ATRNL1: variants seen among roughly 807,000 people sequenced by gnomAD.
ATRNL1 encodes attractin like 1.
Under a neutral mutation model 182.7 loss-of-function variants are expected in ATRNL1, and 95 were observed. That is an observed-to-expected ratio of 0.52 (90% CI 0.44 to 0.62). The LOEUF is 0.62. Among genes scored for constraint, ATRNL1 ranks in the 20% least tolerant of loss-of-function variants. The pLI is 0.00. For synonymous variants in ATRNL1, 576 were observed against 568.3 expected (o/e 1.01, Z -0.19); for missense variants, 1,471 against 1,679.5 (o/e 0.88, Z 2.17).
intron 8 of ATRNL1, among the ~76,000 whole-genome samples, chr10:115,208,529 G>T (rs1411441944): frequency 6.6e-6 from 1 of 152,028 alleles, no homozygotes; most frequent in Non-Finnish European, 1.5e-5. Context: ...CCTTAGTCTT[G>T]TTAGAGTGGA....
intron 27 of ATRNL1, among the ~76,000 whole-genome samples, chr10:115,728,860 A>G (rs1270646634): frequency 1.3e-5 from 2 of 152,184 alleles, no homozygotes; most frequent in Non-Finnish European, 2.9e-5. Flanking sequence ...TGATTAAATG[A>G]AAGTTACAGC....
intron 8 of ATRNL1, among the ~76,000 whole-genome samples, chr10:115,213,632 C>T (rs1278882178): frequency 3.3e-5 from 5 of 151,924 alleles, no homozygotes; most frequent in Non-Finnish European, 5.9e-5. Flanking sequence ...GTGGGGGGAG[C>T]AGGGAAAAAT....
chr10:115,347,664 T>C (rs1222352394), intron 19 of ATRNL1, among the ~76,000 whole-genome samples: 1 of 152,052 alleles, frequency 6.6e-6, no homozygotes, highest in Non-Finnish European at 1.5e-5. Flanking sequence ...TCCAACCTAA[T>C]AAAGCCAATC....
chr10:115,476,417 C>T (rs1848532249), intron 24 of ATRNL1, among the ~76,000 whole-genome samples: 1 of 151,158 alleles, frequency 6.6e-6, no homozygotes, highest in South Asian at 2.1e-4. Flanking sequence ...TTATTTGATT[C>T]TTATTCAATG....
chr10:115,132,213 G>GA (rs1845278404), intron 5 of ATRNL1, among the ~76,000 whole-genome samples: 1 of 152,068 alleles, frequency 6.6e-6, no homozygotes, highest in Non-Finnish European at 1.5e-5. Flanking sequence ...AGTTTGCTGA[G>GA]AATGATGGTT....
chr10:115,685,961 G>C (rs1213447819), intron 26 of ATRNL1, among the ~76,000 whole-genome samples: 1 of 151,484 alleles, frequency 6.6e-6, no homozygotes, highest in African/African-American at 2.4e-5. Context: ...GCCAAATATG[G>C]AATATTATTT....
chr10:115,581,759 T>C (rs1240617927), intron 26 of ATRNL1, among the ~76,000 whole-genome samples: 1 of 151,950 alleles, frequency 6.6e-6, no homozygotes, highest in Non-Finnish European at 1.5e-5. Context: ...TTTTTTTTAT[T>C]ATACTTTAAG....
At chr10:115,270,687 C>G (rs1336127767) in intron 13 of ATRNL1, among the ~76,000 whole-genome samples, 5 of 151,808 alleles carry the variant, frequency 3.3e-5, no homozygotes, top group African/African-American at 1.2e-4. Context: ...TTTGTTCTTT[C>G]AGGCCCTCAA....
intron 27 of ATRNL1, among the ~76,000 whole-genome samples, chr10:115,801,232 AC>A (rs1555084307): frequency 5.9e-5 from 9 of 152,218 alleles, no homozygotes; most frequent in Admixed American, 5.9e-4. Flanking sequence ...GTCTCGTCTG[AC>A]TTTAAATGAT....
At chr10:115,717,411 A>G (rs1565314319) in intron 26 of ATRNL1, among the ~76,000 whole-genome samples, 1 of 152,064 alleles carries the variant, frequency 6.6e-6, no homozygotes, top group Non-Finnish European at 1.5e-5. Flanking sequence ...GATAAACCCA[A>G]TATTATACTT....
intron 24 of ATRNL1, among the ~76,000 whole-genome samples, chr10:115,511,150 C>A (rs1554982592): frequency 1.3e-5 from 2 of 151,904 alleles, no homozygotes; most frequent in South Asian, 4.1e-4. Context: ...TGTCTATTTT[C>A]TGTGTAACCA....
At chr10:115,633,833 AT>A (rs1858682849) in intron 26 of ATRNL1, among the ~76,000 whole-genome samples, 1 of 152,130 alleles carries the variant, frequency 6.6e-6, no homozygotes, top group Non-Finnish European at 1.5e-5. Context: ...GACACCAGTG[AT>A]TTCTTGGAAA....
At chr10:115,314,647 A>C (rs1554928998) in intron 17 of ATRNL1, among the ~76,000 whole-genome samples, 1 of 152,242 alleles carries the variant, frequency 6.6e-6, no homozygotes, top group Non-Finnish European at 1.5e-5. Flanking sequence ...AAAGACTCTC[A>C]GCTTAATGTA....
chr10:115,551,950 G>A (rs1853015974), intron 26 of ATRNL1, among the ~76,000 whole-genome samples: 2 of 151,274 alleles, frequency 1.3e-5, no homozygotes, highest in South Asian at 4.1e-4. Flanking sequence ...TTTTAGGACA[G>A]CATATTATTA....
intron 8 of ATRNL1, among the ~76,000 whole-genome samples, chr10:115,172,726 TCTCA>T (rs1336642948): frequency 5.3e-5 from 8 of 151,918 alleles, no homozygotes; most frequent in African/African-American, 1.9e-4. Flanking sequence ...TTCCACTATC[TCTCA>T]CTCTTTTTTT....
intron 27 of ATRNL1, among the ~76,000 whole-genome samples, chr10:115,754,776 C>T (rs111348754): frequency 9.9e-4 from 151 of 152,192 alleles, no homozygotes; most frequent in African/African-American, 3.3e-3. Context: ...GCCATTTTCA[C>T]GATATTGATT....
At chr10:115,672,581 A>G (rs182585032) in intron 26 of ATRNL1, among the ~76,000 whole-genome samples, 1 of 152,250 alleles carries the variant, frequency 6.6e-6, no homozygotes, top group East Asian at 1.9e-4. Context: ...GGCAAACGTA[A>G]GCTGAATGTT....
At chr10:115,393,223 G>A (rs899943036) in intron 19 of ATRNL1, among the ~76,000 whole-genome samples, 31 of 152,076 alleles carry the variant, frequency 2.0e-4, no homozygotes, top group African/African-American at 7.5e-4. Flanking sequence ...AAAGATTACT[G>A]GTTTTGAACT....
chr10:115,537,371 A>G (rs1394956011), intron 25 of ATRNL1, among the ~76,000 whole-genome samples: 1 of 152,204 alleles, frequency 6.6e-6, no homozygotes, highest in Non-Finnish European at 1.5e-5. Context: ...GTACTGGGAA[A>G]CAGTCTCTTT....
Sources: allele counts gnomAD v4.1 joint callset (sites outside exome capture counted in the v4.1 genomes callset), GRCh38; gene constraint gnomAD v4.1.1; transcripts MANE v1.5; gene names NCBI Gene and HGNC (gene_info 2026-07-23, HGNC 2026-07-21).